GTF2IRD1: variants seen among roughly 807,000 people sequenced by gnomAD.
The protein encoded by GTF2IRD1 is general transcription factor II-I repeat domain-containing protein 1.
Under a neutral mutation model 113.2 loss-of-function variants are expected in GTF2IRD1, and 26 were observed. The observed-to-expected ratio is 0.23, with a 90% CI of 0.17 to 0.32. The LOEUF (loss-of-function observed/expected upper bound fraction) is 0.32. Ranked by LOEUF, GTF2IRD1 falls within the 10% of genes least tolerant of loss-of-function variation. The pLI is 1.00. For missense variants in GTF2IRD1, 864 were observed against 1,280.8 expected, an observed-to-expected ratio of 0.67 and a Z score of 4.97; for synonymous variants, 484 against 529.1, an observed-to-expected ratio of 0.91 and a Z score of 1.17.
intron 1 of GTF2IRD1, among the ~76,000 whole-genome samples, chr7:74,498,809 A>G (rs141214576): frequency 0.024 from 3,528 of 149,582 alleles, 50 homozygotes; most frequent in East Asian, 0.079. Flanking sequence ...GCTCACTGCA[A>G]CCTCCAACTC....
intron 17 of GTF2IRD1, among the ~76,000 whole-genome samples, chr7:74,550,307 T>C (rs1799229635): frequency 6.6e-6 from 1 of 152,130 alleles, no homozygotes; most frequent in South Asian, 2.1e-4. Context: ...CAAGAGAATA[T>C]GTGTAATTAT....
chr7:74,535,864 C>T (rs1198846705), intron 10 of GTF2IRD1, among the ~76,000 whole-genome samples: 1 of 152,218 alleles, frequency 6.6e-6, no homozygotes, highest in Non-Finnish European at 1.5e-5. Context: ...GCTCAGCCCC[C>T]ATAGTGTGTT....
rs1405221958 is a variant in GTF2IRD1, at chr7:74,507,750, G to A, written c.-6-325G>A. On this transcript the variant is annotated intron_variant, in intron 1 of 26. Transcript: ENST00000424337. ...GGAGCCATGGAGGGTGTGTGAGCGA[G>A]GGAGGGCTGTGGCCAGAATTGCACA... 5 of 267,200 alleles carry A rather than the reference G, an allele frequency of 1.9e-5. No homozygotes were observed. In the East Asian group the frequency reaches 4.7e-4, roughly 25 times the overall value. 16.6% of individuals were successfully genotyped at this position (267,200 alleles called of 1,614,324 possible). A position where few individuals can be genotyped will look rare whatever the true frequency, so the allele number is the denominator to read the frequency against.
Position 74,536,149 on chromosome 7 carries a change from C to T in GTF2IRD1, c.1301-18C>T. ...GGCCAGAGGGCCTTCACCCTGACCT[C>T]CCTGACTCTCCCCACAGGGAACAAG... On this transcript the variant is annotated intron_variant, in intron 10 of 26. Coordinates refer to ENST00000424337, the MANE Select transcript of GTF2IRD1 (RefSeq NM_005685.4). 1.9e-6 allele frequency: 3 copies of T among 1,568,206 alleles called. No individual in the cohort carries two copies. The highest frequency in any genetic ancestry group is 2.6e-6 in the Non-Finnish European group (3 of 1,138,286).
intron 13 of GTF2IRD1, among the ~76,000 whole-genome samples, chr7:74,539,234 C>T (rs1798485485): frequency 6.6e-6 from 1 of 152,076 alleles, no homozygotes; most frequent in South Asian, 2.1e-4. Context: ...TGGCTTGAGG[C>T]CAGGAGTTCA....
intron 4 of GTF2IRD1, among the ~76,000 whole-genome samples, chr7:74,517,413 C>T (rs1226707359): frequency 1.3e-5 from 2 of 148,210 alleles, no homozygotes; most frequent in Admixed American, 1.4e-4. Context: ...GTCTCTCTCC[C>T]TTCCTCCCTA....
In GTF2IRD1 at chr7:74,519,699, A is replaced by C; in HGVS notation, c.896A>C (p.Gln299Pro). 6.3e-7 allele frequency: 1 copy of C among 1,582,376 alleles called. No homozygotes were observed. The highest frequency in any genetic ancestry group is 8.6e-7 in the Non-Finnish European group (1 of 1,164,400). ...PMPEPKATGA[Q>P]DFSDCCGQKP... ...CCAGAGCCCAAGGCCACCGGTGCCC[A>C]AGACTTCTCCGACTGTTGTGGTAAC... Residue 299 changes from glutamine to proline, a missense_variant, in exon 6 of 27, where the codon CAA (glutamine) becomes CCA (proline). Coordinates refer to ENST00000424337, the MANE Select transcript of GTF2IRD1 (RefSeq NM_005685.4).
At chr7:74,538,784 C>T (rs1554350928) in intron 13 of GTF2IRD1, 24 bp downstream of exon 13, 3 of 1,292,858 alleles carry the variant, frequency 2.3e-6, no homozygotes, top group African/African-American at 1.5e-5. Flanking sequence ...ATCTGACCAC[C>T]CCCTGCAGAA....
intron 22 of GTF2IRD1, among the ~76,000 whole-genome samples, chr7:74,579,206 A>G (rs1161929290): frequency 6.6e-6 from 1 of 152,164 alleles, no homozygotes; most frequent in Non-Finnish European, 1.5e-5. Context: ...CTGTAGGCCC[A>G]TGTACTCAGG....
intron 14 of GTF2IRD1, among the ~76,000 whole-genome samples, chr7:74,543,318 A>T (rs1554352282): frequency 6.6e-6 from 1 of 151,822 alleles, no homozygotes; most frequent in East Asian, 1.9e-4. Flanking sequence ...AGAAAAAAAA[A>T]GAAAAAGAAA....
rs1215928767 is a variant in GTF2IRD1 at position 74,543,711 on chromosome 7, A to T, written c.1619-1044A>T. ...GCCCAGGAGTTCGAGACCAGCTTGG[A>T]CAACATGGCGAAACCCTGTCTCTAC... is the stretch of plus-strand genomic sequence containing the variant. On this transcript the variant is annotated intron_variant, in intron 14 of 26. Coordinates refer to ENST00000424337, the MANE Select transcript of GTF2IRD1 (RefSeq NM_005685.4). Among the ~76,000 whole-genome samples the T allele has an allele frequency of 9.3e-5, 14 of 151,252 alleles. 1 individual carries two copies.
intron 22 of GTF2IRD1, among the ~76,000 whole-genome samples, chr7:74,574,744 A>G (rs1800918279): frequency 6.6e-6 from 1 of 151,056 alleles, no homozygotes. Flanking sequence ...TACAGATGTG[A>G]GCCACCGTGC....
chr7:74,496,201 ATG>A lies in GTF2IRD1; in HGVS notation c.-6-11870_-6-11869del, dbSNP rs1795663028. Among the ~76,000 whole-genome samples the A allele has an allele frequency of 1.3e-5, 2 of 148,380 alleles. 1 individual carries two copies. Among genetic ancestry groups the A allele is most frequent in the South Asian group, 4.3e-4 (2 of 4,666 alleles). ...TGCATGTGAGTGGCTATGCGTGCGT[ATG>A]TGTATGGGGTGTCTGCATGTGGGTG... On this transcript the variant is annotated intron_variant, in intron 1 of 26. Transcript: ENST00000424337.
At chr7:74,563,864 T>G (rs1800128139) in intron 22 of GTF2IRD1, among the ~76,000 whole-genome samples, 1 of 151,336 alleles carries the variant, frequency 6.6e-6, no homozygotes, top group African/African-American at 2.4e-5. Context: ...CCAGCCTGGG[T>G]GACAGAGCAT....
At chr7:74,576,316 T>A (rs1801060523) in intron 22 of GTF2IRD1, among the ~76,000 whole-genome samples, 4 of 151,706 alleles carry the variant, frequency 2.6e-5, no homozygotes, top group Admixed American at 2.6e-4. Context: ...ATCCTAGCAC[T>A]TCGGGAGGCT....
chr7:74,592,722 AG>A (rs1802139339), intron 24 of GTF2IRD1, among the ~76,000 whole-genome samples: 1 of 148,710 alleles, frequency 6.7e-6, no homozygotes, highest in African/African-American at 2.5e-5. Flanking sequence ...TAATAGAGAC[AG>A]GGTTTCTCCA....
At chr7:74,518,902 T>C (rs1797105924) in intron 5 of GTF2IRD1, among the ~76,000 whole-genome samples, 1 of 151,766 alleles carries the variant, frequency 6.6e-6, no homozygotes, top group Admixed American at 6.6e-5. Flanking sequence ...AAAAAAAATA[T>C]GGCATTTTAG....
chr7:74,486,830 A>T (rs944589014), intron 1 of GTF2IRD1, among the ~76,000 whole-genome samples: 14 of 152,060 alleles, frequency 9.2e-5, no homozygotes, highest in African/African-American at 3.4e-4. Flanking sequence ...ATGAAAAAAA[A>T]TAGCCAAGCG....
At chr7:74,564,625 G>A (rs1396278263) in intron 22 of GTF2IRD1, among the ~76,000 whole-genome samples, 3 of 152,202 alleles carry the variant, frequency 2.0e-5, no homozygotes, top group East Asian at 3.9e-4. Flanking sequence ...TGGTGGGGAC[G>A]AACGACTGTA....
Sources: allele counts gnomAD v4.1 joint callset (sites outside exome capture counted in the v4.1 genomes callset), GRCh38; gene constraint gnomAD v4.1.1; transcripts MANE v1.5; gene names NCBI Gene and HGNC (gene_info 2026-07-23, HGNC 2026-07-21).